Variants in SLC17A6 observed in about 807,000 individuals in gnomAD.
The protein encoded by SLC17A6 is vesicular glutamate transporter 2.
A neutral mutation model predicts 67.1 loss-of-function variants in SLC17A6; 35 were observed. The observed-to-expected ratio is 0.52, with a 90% confidence interval of 0.40 to 0.69. The LOEUF is 0.69. Ranked by LOEUF, SLC17A6 falls within the 30% of genes least tolerant of loss-of-function variation. The pLI, the probability that SLC17A6 is intolerant of heterozygous loss-of-function variation, is 0.00. For synonymous variants in SLC17A6, 285 were observed against 252.3 expected (o/e 1.13, Z -1.23); for missense variants, 588 against 723.9 (o/e 0.81, Z 2.15).
intron 3 of SLC17A6, among the ~76,000 whole-genome samples, chr11:22,348,888 A>G (rs909812636): frequency 1.3e-5 from 2 of 152,208 alleles, no homozygotes; most frequent in Non-Finnish European, 2.9e-5. Context: ...TAAACATAAT[A>G]TCTTCATGTG....
At position 22,377,519 on chromosome 11, in the gene SLC17A6, G is replaced by A; in HGVS notation, c.1528G>A (p.Glu510Lys). The A allele has an allele frequency of 2.5e-6, 4 of 1,614,132 alleles. No homozygotes were observed. The highest frequency in any genetic ancestry group is 3.4e-6 in the Non-Finnish European group (4 of 1,180,014). ...GEKQPWADPE[E>K]TSEEKCGFIH... ...GAAACAACCCTGGGCAGACCCGGAG[G>A]AAACAAGTGAAGAAAAATGTGGATT... The change falls in exon 12 of 12, where the codon GAA (glutamate) becomes AAA (lysine). Residue 510 changes from glutamate (E) to lysine (K), a missense_variant. By Grantham distance (56) the Glu-to-Lys change is moderately conservative (BLOSUM62 1). Around this residue, in one of 4 missense-constraint regions of SLC17A6, gnomAD observed 414 missense variants for 563.4 expected, o/e 0.73. Coordinates refer to ENST00000263160, the MANE Select transcript of SLC17A6 (RefSeq NM_020346.3).
At position 22,378,042 on chromosome 11, in the gene SLC17A6, T is replaced by A; in HGVS notation, c.*302T>A. On this transcript the variant is annotated 3_prime_UTR_variant, in exon 12 of 12. Transcript: ENST00000263160. Reference sequence around the variant, plus strand: ...ATATGAGCTAAAACTCATCACTATTTACTAAAGCACAACATCTCATCCTAC... The same window carrying A: ...ATATGAGCTAAAACTCATCACTATTAACTAAAGCACAACATCTCATCCTAC... 2.7e-6 allele frequency: 1 copy of A among 376,148 alleles called. No homozygotes were observed. The highest frequency in any genetic ancestry group is 4.7e-6 in the Non-Finnish European group (1 of 211,474). The allele number at this position is 376,148 out of a possible 1,614,324, so 23.3% of individuals were successfully genotyped here.
rs763852602 is a variant in SLC17A6 at position 22,377,739 on chromosome 11, A to C, written c.1748A>C (p.Ter583SerextTer3). The change falls in exon 12 of 12, where the codon TAA becomes TCA. Residue 583 changes from the stop codon to serine, a stop_lost. Coordinates refer to ENST00000263160, the MANE Select transcript of SLC17A6 (RefSeq NM_020346.3). ...HSYKDRVDYS[*>S] ...TATAAGGACCGAGTTGATTATTCAT[A>C]ACAAAACTAATTACTGGATTTATTT... The C allele has an allele frequency of 6.5e-7, 1 of 1,544,818 alleles. No homozygotes were observed. Among genetic ancestry groups the C allele is most frequent in the Non-Finnish European group, 8.7e-7 (1 of 1,146,450 alleles).
At chr11:22,364,679 A>G (rs1037109002) in intron 6 of SLC17A6, among the ~76,000 whole-genome samples, 4 of 152,252 alleles carry the variant, frequency 2.6e-5, no homozygotes, top group Admixed American at 6.5e-5. Flanking sequence ...GATCAGGAGC[A>G]TTTAGATTGT....
chr11:22,376,091 T>C lies in SLC17A6; in HGVS notation c.1284T>C (p.Ser428=). ...LAVGFSGFAI[S]GFNVNHLDIA... ...TGGGATTCAGTGGATTTGCTATATC[T>C]GGTAAGATATAATTTTTTTTCTTTG... The change falls in exon 10 of 12, where the codon TCT becomes TCC. Residue 428 remains serine (S), a splice_region_variant and synonymous_variant. Transcript: ENST00000263160. 1 of 1,604,806 alleles carries C rather than the reference T, an allele frequency of 6.2e-7. No homozygotes were observed. The highest frequency in any genetic ancestry group is 1.1e-5 in the South Asian group (1 of 89,188).
intron 9 of SLC17A6, 57 bp from the exon 10 acceptor site, chr11:22,375,925 G>C: frequency 8.1e-7 from 1 of 1,231,838 alleles, no homozygotes; most frequent in Non-Finnish European, 1.2e-6. Flanking sequence ...AGCAGTTTTG[G>C]CTCATTGGTA....
At chr11:22,342,936 G>A (rs2133858262) in intron 2 of SLC17A6, 1 of 496,782 alleles carries the variant, frequency 2.0e-6, no homozygotes, top group South Asian at 1.5e-5. Flanking sequence ...TTCATGGGGA[G>A]TCCGAATTTC....
Position 22,377,438 on chromosome 11 carries a change from G to T in SLC17A6, c.1447G>T (p.Ala483Ser). ...AGAGTGGCAGTATGTCTTCCTGATC[G>T]CTGCCCTAGTCCACTATGGTGGAGT... Reference protein sequence around the residue: ...REEWQYVFLIAALVHYGGVIF... With the variant: ...REEWQYVFLISALVHYGGVIF... Residue 483 changes from alanine to serine, a missense_variant, in exon 12 of 12, where the codon GCT becomes TCT. Coordinates refer to ENST00000263160, the MANE Select transcript of SLC17A6 (RefSeq NM_020346.3). The T allele has an allele frequency of 6.2e-7, 1 of 1,611,558 alleles. No homozygotes were observed.
intron 5 of SLC17A6, among the ~76,000 whole-genome samples, chr11:22,362,062 A>G (rs1190942037): frequency 6.6e-6 from 1 of 151,822 alleles, no homozygotes; most frequent in Non-Finnish European, 1.5e-5. Flanking sequence ...ATAACCCACT[A>G]TGTAAAATTC....
At position 22,362,754 on chromosome 11, in the gene SLC17A6, C is replaced by A. The variant is rs1199598299; in HGVS notation, c.677C>A (p.Ala226Asp). 3.7e-6 allele frequency: 6 copies of A among 1,613,636 alleles called. No individual in the cohort carries two copies. The highest frequency in any genetic ancestry group is 5.1e-6 in the Non-Finnish European group (6 of 1,179,684). ...TACACTTTAGGTTCCTATGCCGGAGCTGTGATTGCAATGCCTTTAGCTGGC... is the reference window on the plus strand; with the variant it reads ...TACACTTTAGGTTCCTATGCCGGAGATGTGATTGCAATGCCTTTAGCTGGC... ...TTSFCGSYAG[A>D]VIAMPLAGIL... Residue 226 changes from alanine (A) to aspartate (D), a missense_variant, in exon 6 of 12, where the codon GCT becomes GAT. Ala to Asp is a moderately radical substitution (Grantham distance 126). Around this residue, in one of 4 missense-constraint regions of SLC17A6, gnomAD observed 414 missense variants for 563.4 expected, o/e 0.73. Coordinates refer to ENST00000263160, the MANE Select transcript of SLC17A6 (RefSeq NM_020346.3).
chr11:22,344,564 C>A (rs1855854436), intron 3 of SLC17A6, among the ~76,000 whole-genome samples: 1 of 152,102 alleles, frequency 6.6e-6, no homozygotes, highest in Non-Finnish European at 1.5e-5. Flanking sequence ...AGGAGAGTGC[C>A]ATACATTAGG....
intron 3 of SLC17A6, among the ~76,000 whole-genome samples, chr11:22,348,426 T>A (rs1328523576): frequency 6.6e-6 from 1 of 152,186 alleles, no homozygotes; most frequent in Admixed American, 6.5e-5. Context: ...TCCCAAGCTA[T>A]TTGGTGACAA....
chr11:22,353,557 A>G (rs1855965061), intron 3 of SLC17A6, among the ~76,000 whole-genome samples: 1 of 152,236 alleles, frequency 6.6e-6, no homozygotes, highest in East Asian at 1.9e-4. Context: ...CTTTTTAACT[A>G]ATACTGTATC....
intron 5 of SLC17A6, 81 bp from the exon 6 acceptor site, chr11:22,362,658 A>G (rs1856066169): frequency 4.2e-6 from 5 of 1,180,390 alleles, no homozygotes; most frequent in Non-Finnish European, 6.3e-6. Context: ...CGTCTGTGTG[A>G]ATCAACAAAG....
At chr11:22,349,468 C>A (rs1273169439) in intron 3 of SLC17A6, among the ~76,000 whole-genome samples, 1 of 152,170 alleles carries the variant, frequency 6.6e-6, no homozygotes, top group Non-Finnish European at 1.5e-5. Flanking sequence ...AGGGAGGGGT[C>A]TCCAAGGGCT....
In SLC17A6 at chr11:22,362,789, C is replaced by A; in HGVS notation, c.712C>A (p.Gln238Lys). 1 of 1,613,798 alleles carries A rather than the reference C, an allele frequency of 6.2e-7. No individual in the cohort carries two copies. ...IAMPLAGILV[Q>K]YTGWSSVFYV... ...AATGCCTTTAGCTGGCATTCTTGTG[C>A]AGTACACTGGCTGGTCTTCAGTGTT... is the stretch of plus-strand genomic sequence containing the variant. Residue 238 changes from glutamine (Q) to lysine (K), a missense_variant, in exon 6 of 12, where the codon CAG becomes AAG. Physicochemically the swap from Gln to Lys is moderately conservative, Grantham distance 53. Coordinates refer to ENST00000263160, the MANE Select transcript of SLC17A6 (RefSeq NM_020346.3).
chr11:22,339,225 G>C (rs900844619), intron 1 of SLC17A6, among the ~76,000 whole-genome samples: 1 of 146,558 alleles, frequency 6.8e-6, no homozygotes. Flanking sequence ...GAGAGAAAGA[G>C]AGAGGTCTCA....
Position 22,376,683 on chromosome 11 carries a change from C to T in SLC17A6, c.1413+11C>T, listed in dbSNP as rs552274202. The T allele has an allele frequency of 6.2e-7, 1 of 1,613,108 alleles. No individual in the cohort carries two copies. The highest frequency in any genetic ancestry group is 1.7e-5 in the Admixed American group (1 of 59,998). On this transcript the variant is annotated intron_variant, in intron 11 of 11. Transcript: ENST00000263160. ...ATGACAAAGAATAAGGTAAGATGGT[C>T]AAAACAGATGTTTAGTCATAGAAGA...
In SLC17A6 at chr11:22,340,705, G is replaced by A. The variant is rs189217627; in HGVS notation, c.87-823G>A. ...TTAATTATTCATGTTCTGGCAGTAG[G>A]AAGCTTAGGTGTCGGCCATATGCTG... On this transcript the variant is annotated intron_variant, in intron 1 of 11. Coordinates refer to ENST00000263160, the MANE Select transcript of SLC17A6 (RefSeq NM_020346.3). 3.0e-3 allele frequency among the ~76,000 whole-genome samples: 460 copies of A among 152,286 alleles called. 2 individuals are homozygous for A. The highest frequency in any genetic ancestry group is 0.011 in the African/African-American group (441 of 41,550).
Sources: allele counts gnomAD v4.1 joint callset (sites outside exome capture counted in the v4.1 genomes callset), GRCh38; gene constraint gnomAD v4.1.1; regional missense constraint gnomAD v4.1.1; transcripts MANE v1.5; gene names NCBI Gene and HGNC (gene_info 2026-07-23, HGNC 2026-07-21).